Variants in ARHGAP10 observed in about 807,000 individuals in gnomAD.
ARHGAP10 encodes the protein rho GTPase-activating protein 10.
ARHGAP10 carries 87 observed loss-of-function variants against 108.6 expected under a neutral mutation model. The ratio of observed to expected loss-of-function variants is 0.80; its 90% confidence interval spans 0.67 to 0.96. The LOEUF (loss-of-function observed/expected upper bound fraction) is 0.96, where lower values mean the gene tolerates loss of function less well. ARHGAP10 is among the 40% of genes least tolerant of loss of function. The pLI is 0.00. For missense variants in ARHGAP10, 939 were observed against 954.5 expected, an observed-to-expected ratio of 0.98 and a Z score of 0.21; for synonymous variants, 347 against 341.1, an observed-to-expected ratio of 1.02 and a Z score of -0.19.
intron 3 of ARHGAP10, among the ~76,000 whole-genome samples, chr4:147,839,104 C>CTATT (rs1733297151): frequency 7.7e-6 from 1 of 130,052 alleles, no homozygotes; most frequent in Admixed American, 7.4e-5. Flanking sequence ...ATCTATCTAT[C>CTATT]TATCTATCTA....
At chr4:147,835,393 C>T (rs1271789165) in intron 3 of ARHGAP10, among the ~76,000 whole-genome samples, 1 of 151,522 alleles carries the variant, frequency 6.6e-6, no homozygotes, top group East Asian at 1.9e-4. Context: ...TTTCCTTTTC[C>T]CTTAAGTCTT....
chr4:148,064,564 C>A, intron 22 of ARHGAP10, 57 bp downstream of exon 22: 2 of 1,493,684 alleles, frequency 1.3e-6, no homozygotes, highest in Non-Finnish European at 1.9e-6. Flanking sequence ...AATAAGTCTG[C>A]AGCATGGAGT....
At chr4:147,873,716 A>ACACT (rs1264456995) in intron 7 of ARHGAP10, among the ~76,000 whole-genome samples, 1 of 150,812 alleles carries the variant, frequency 6.6e-6, no homozygotes, top group Non-Finnish European at 1.5e-5. Context: ...ACACACACAC[A>ACACT]CACACACTCT....
intron 3 of ARHGAP10, among the ~76,000 whole-genome samples, chr4:147,832,925 C>T (rs923943641): frequency 3.3e-5 from 5 of 152,118 alleles, no homozygotes; most frequent in African/African-American, 1.2e-4. Flanking sequence ...AACTGTAGCT[C>T]CTCAGTATTT....
intron 1 of ARHGAP10, among the ~76,000 whole-genome samples, chr4:147,779,202 T>TG: frequency 6.6e-6 from 1 of 152,154 alleles, no homozygotes; most frequent in East Asian, 1.9e-4. Flanking sequence ...ACCACTGCTG[T>TG]GGGGAGCATG....
intron 3 of ARHGAP10, among the ~76,000 whole-genome samples, chr4:147,830,138 C>T (rs1289432911): frequency 3.9e-5 from 6 of 152,252 alleles, no homozygotes; most frequent in Non-Finnish European, 7.3e-5. Context: ...ACTCTTCAGG[C>T]TTTTGAGACC....
chr4:147,987,875 A>G (rs772661898), intron 18 of ARHGAP10, among the ~76,000 whole-genome samples: 3 of 152,192 alleles, frequency 2.0e-5, no homozygotes, highest in Non-Finnish European at 2.9e-5. Flanking sequence ...TTACTAATCC[A>G]AGGCAGTCTT....
chr4:147,970,119 G>A (rs768329603), intron 18 of ARHGAP10, among the ~76,000 whole-genome samples: 1 of 152,036 alleles, frequency 6.6e-6, no homozygotes. Flanking sequence ...CTGGCTCTTT[G>A]TTCCTGCTCA....
rs200972105 is a variant in ARHGAP10, at chr4:147,879,303, A to G, written c.904A>G (p.Met302Val). 5 of 1,614,120 alleles carry G rather than the reference A, an allele frequency of 3.1e-6. No homozygotes were observed. Among genetic ancestry groups the G allele is most frequent in the Admixed American group, 3.3e-5 (2 of 60,032 alleles). ...MYRKAAKKFN[M>V]IPFEHRSGGK... ...TCGAAAAGCAGCAAAGAAGTTCAAC[A>G]TGATCCCATTTGAGCACAGATCTGG... The change falls in exon 9 of 23, where the codon ATG becomes GTG. Residue 302 changes from methionine to valine, a missense_variant. Met to Val is a conservative substitution (Grantham distance 21). Coordinates refer to ENST00000336498, the MANE Select transcript of ARHGAP10 (RefSeq NM_024605.4).
chr4:148,038,776 G>A (rs1052623692), intron 19 of ARHGAP10, among the ~76,000 whole-genome samples: 13 of 152,222 alleles, frequency 8.5e-5, no homozygotes, highest in African/African-American at 1.4e-4. Context: ...AATTGGAGCA[G>A]TTGTGCTCAC....
chr4:147,859,556 G>A (rs1199056256), intron 5 of ARHGAP10, among the ~76,000 whole-genome samples: 4 of 152,192 alleles, frequency 2.6e-5, no homozygotes, highest in African/African-American at 9.6e-5. Context: ...TTACAGGCAC[G>A]AGCCACAGGG....
Position 148,046,853 on chromosome 4 carries a change from A to C in ARHGAP10, c.1868-39A>C, listed in dbSNP as rs187101239. 4.4e-5 allele frequency: 70 copies of C among 1,578,892 alleles called. No homozygotes were observed. In the East Asian group the frequency reaches 1.6e-3, roughly 36 times the overall value. ...TTATTAGTGGAGTTTTTTCTTCTCC[A>C]GGTATTTGTTTGATATTCAATGCTT... On this transcript the variant is annotated intron_variant, in intron 19 of 22. Transcript: ENST00000336498.
At chr4:147,979,195 C>G (rs1277544866) in intron 18 of ARHGAP10, among the ~76,000 whole-genome samples, 1 of 152,162 alleles carries the variant, frequency 6.6e-6, no homozygotes, top group African/African-American at 2.4e-5. Context: ...GTCTTACATT[C>G]AAGTCTTGAC....
chr4:147,801,020 G>C (rs1207999849), intron 1 of ARHGAP10, among the ~76,000 whole-genome samples: 1 of 152,192 alleles, frequency 6.6e-6, no homozygotes, highest in Non-Finnish European at 1.5e-5. Context: ...TGGCCAGGCT[G>C]GTCTTGAACT....
chr4:147,784,195 GTGTA>G (rs1730704874), intron 1 of ARHGAP10, among the ~76,000 whole-genome samples: 1 of 75,806 alleles, frequency 1.3e-5, no homozygotes, highest in Non-Finnish European at 2.4e-5. Context: ...ACATTAAATT[GTGTA>G]TTATATATTT....
intron 19 of ARHGAP10, among the ~76,000 whole-genome samples, chr4:148,045,262 C>A (rs529328470): frequency 1.3e-5 from 2 of 152,272 alleles, no homozygotes; most frequent in East Asian, 3.9e-4. Context: ...CTAACTCCTG[C>A]TTGTCTGGAT....
chr4:147,974,386 C>T lies in ARHGAP10; in HGVS notation c.1716+7547C>T, dbSNP rs563052319. On this transcript the variant is annotated intron_variant, in intron 18 of 22. Transcript: ENST00000336498. Reference sequence around the variant, plus strand: ...CTCCCTCCTCATCTCCCCCCACTTCCTAAGGGCCCTTGAAGATTCTGAAGA... The same window carrying T: ...CTCCCTCCTCATCTCCCCCCACTTCTTAAGGGCCCTTGAAGATTCTGAAGA... Among the ~76,000 whole-genome samples, 58 of 152,186 alleles carry T rather than the reference C, an allele frequency of 3.8e-4. 1 individual carries two copies. The highest frequency in any genetic ancestry group is 1.3e-3 in the African/African-American group (54 of 41,536).
chr4:147,894,911 C>G (rs930444709), intron 10 of ARHGAP10, among the ~76,000 whole-genome samples: 2 of 152,136 alleles, frequency 1.3e-5, no homozygotes, highest in African/African-American at 4.8e-5. Context: ...ACACACTTAC[C>G]TTGATTACTG....
rs1424489068 is a variant in ARHGAP10, at chr4:147,784,815, TA to T, written c.155-37908del. Among the ~76,000 whole-genome samples the T allele has an allele frequency of 3.4e-4, 6 of 17,608 alleles. 2 individuals are homozygous for T. The highest frequency in any genetic ancestry group is 1.1e-3 in the Non-Finnish European group (6 of 5,642). 11.6% of individuals were successfully genotyped at this position (17,608 alleles called of 152,430 possible). Reference sequence around the variant, plus strand: ...TATATATTATAAATATAATATATTATAAAATATATATTATAAATATATTATA... The same window carrying T: ...TATATATTATAAATATAATATATTATAAATATATATTATAAATATATTATA... On this transcript the variant is annotated intron_variant, in intron 1 of 22. Transcript: ENST00000336498.
Sources: gnomAD v4.1 joint callset for allele counts (sites outside exome capture counted in the v4.1 genomes callset) on GRCh38, gnomAD v4.1.1 for gene constraint, MANE v1.5 for transcripts, NCBI Gene and HGNC (gene_info 2026-07-23, HGNC 2026-07-21) for gene names.